The following PKP2 variants were observed in gnomAD, a reference collection of about 807,000 sequenced individuals.
The protein encoded by PKP2 is plakophilin-2.
A neutral mutation model predicts 83.4 loss-of-function variants in PKP2; 73 were observed. The observed-to-expected ratio is 0.88, with a 90% CI of 0.72 to 1.06. PKP2 has a LOEUF of 1.06. PKP2 is among the 50% of genes least tolerant of loss of function. PKP2 has a pLI of 0.00. For synonymous variants in PKP2, 409 were observed against 430.4 expected (o/e 0.95, Z 0.62); for missense variants, 966 against 1,065.4 (o/e 0.91, Z 1.30).
At chr12:32,803,259 G>C (rs1956198831) in intron 9 of PKP2, among the ~76,000 whole-genome samples, 1 of 152,092 alleles carries the variant, frequency 6.6e-6, no homozygotes, top group Non-Finnish European at 1.5e-5. Context: ...TGTAGTCCCA[G>C]CTACTCAAGA....
chr12:32,862,383 A>C (rs1232161606), intron 4 of PKP2, among the ~76,000 whole-genome samples: 1 of 152,236 alleles, frequency 6.6e-6, no homozygotes, highest in Non-Finnish European at 1.5e-5. Context: ...ATGGTGGCTC[A>C]CACCTGCAAT....
chr12:32,890,370 G>C (rs1957067084), intron 1 of PKP2, among the ~76,000 whole-genome samples: 1 of 152,118 alleles, frequency 6.6e-6, no homozygotes, highest in African/African-American at 2.4e-5. Context: ...AGCTTCTAAT[G>C]AAGGTTTTCA....
At position 32,860,919 on chromosome 12, in the gene PKP2, T is replaced by C. The variant is rs548202930; in HGVS notation, c.1170+8008A>G. On this transcript the variant is annotated intron_variant, in intron 4 of 12. Transcript: ENST00000340811. Reference sequence around the variant, plus strand: ...GGCATGCGCCTGTAATCCCAGCTACTTGGGAGGCTGAGGCAAGAGAATCAC... The same window carrying C: ...GGCATGCGCCTGTAATCCCAGCTACCTGGGAGGCTGAGGCAAGAGAATCAC... 1.1e-4 allele frequency among the ~76,000 whole-genome samples: 16 copies of C among 152,122 alleles called. No homozygotes were observed. In the South Asian group the frequency reaches 2.5e-3, roughly 24 times the overall value.
intron 7 of PKP2, among the ~76,000 whole-genome samples, chr12:32,823,765 T>C (rs529999270): frequency 6.6e-6 from 1 of 152,070 alleles, no homozygotes; most frequent in Non-Finnish European, 1.5e-5. Flanking sequence ...CACGCCCGGC[T>C]ATATTTTTTG....
At chr12:32,843,337 T>A in intron 5 of PKP2, 1 of 1,364,382 alleles carries the variant, frequency 7.3e-7, no homozygotes, top group Non-Finnish European at 9.8e-7. Context: ...AGAGGAAGCA[T>A]AGGTACTCAG....
At chr12:32,871,034 T>G (rs1459378008) in intron 3 of PKP2, among the ~76,000 whole-genome samples, 1 of 152,194 alleles carries the variant, frequency 6.6e-6, no homozygotes, top group Non-Finnish European at 1.5e-5. Context: ...GTCAACTTTC[T>G]GTTTGACTAT....
chr12:32,843,205 A>T lies in PKP2; in HGVS notation c.1379-2000T>A, dbSNP rs769899368. On this transcript the variant is annotated intron_variant, in intron 5 of 12. Coordinates refer to ENST00000340811, the MANE Select transcript of PKP2 (RefSeq NM_001005242.3). ...ACCATGTTGGTCAGGCTGGTCTCGA[A>T]CTCCTGACCTCGTGATCCGCCCGCC... is the stretch of plus-strand genomic sequence containing the variant. 3.2e-5 allele frequency: 19 copies of T among 585,082 alleles called. No individual in the cohort carries two copies. Among genetic ancestry groups the T allele is most frequent in the Non-Finnish European group, 6.2e-6 (2 of 323,016 alleles). 36.2% of individuals were successfully genotyped at this position (585,082 alleles called of 1,614,324 possible).
chr12:32,865,768 G>A (rs1410235043), intron 4 of PKP2, among the ~76,000 whole-genome samples: 1 of 149,724 alleles, frequency 6.7e-6, no homozygotes, highest in Admixed American at 6.7e-5. Context: ...TTTCAGCAAA[G>A]ATACAAAGAC....
In PKP2 at chr12:32,821,444, T is replaced by C. The variant is rs1291783957; in HGVS notation, c.1925A>G (p.Tyr642Cys). The C allele has an allele frequency of 6.2e-7, 1 of 1,614,106 alleles. No homozygotes were observed. The highest frequency in any genetic ancestry group is 2.2e-5 in the East Asian group (1 of 44,874). ...WLWHSIVIRM[Y>C]LSLIAKSVRN... is the part of the protein sequence containing the mutation. ...GACACTTTTGGCGATCAAGGACAGA[T>C]ACATCCTTATAACAATGGAATGCCA... The change falls in exon 9 of 13, where the codon TAT (tyrosine) becomes TGT (cysteine). Residue 642 changes from tyrosine (Y) to cysteine (C), a missense_variant. Tyr to Cys is a radical substitution (Grantham distance 194). Transcript: ENST00000340811.
intron 1 of PKP2, among the ~76,000 whole-genome samples, chr12:32,895,149 G>C (rs868538306): frequency 6.6e-6 from 1 of 152,038 alleles, no homozygotes; most frequent in African/African-American, 2.4e-5. Flanking sequence ...TTCCTCATCT[G>C]TAAAATGAGG....
intron 1 of PKP2, among the ~76,000 whole-genome samples, chr12:32,884,796 T>C (rs552986602): frequency 5.4e-4 from 81 of 151,166 alleles, no homozygotes; most frequent in Non-Finnish European, 9.1e-4. Flanking sequence ...TTTTTTTTTT[T>C]CTGCTAAGTT....
intron 5 of PKP2, among the ~76,000 whole-genome samples, chr12:32,848,250 C>T (rs963387574): frequency 1.3e-5 from 2 of 152,102 alleles, no homozygotes; most frequent in Non-Finnish European, 2.9e-5. Context: ...TGGCGAAACC[C>T]CGTCTCTACT....
At chr12:32,802,690 T>C in intron 9 of PKP2, 134 bp from the exon 10 acceptor site, 1 of 804,876 alleles carries the variant, frequency 1.2e-6, no homozygotes, top group Admixed American at 2.2e-5. Context: ...ACAAAGTCTC[T>C]CTCTGTCATT....
At chr12:32,834,089 T>G (rs190221578) in intron 6 of PKP2, among the ~76,000 whole-genome samples, 230 of 152,310 alleles carry the variant, frequency 1.5e-3, no homozygotes, top group Admixed American at 2.8e-3. Context: ...AGTTTGACTT[T>G]CTCCAGAAAA....
intron 1 of PKP2, among the ~76,000 whole-genome samples, chr12:32,884,785 T>G (rs995851771): frequency 1.3e-5 from 2 of 151,850 alleles, no homozygotes; most frequent in African/African-American, 4.8e-5. Flanking sequence ...TAGAGCAGTT[T>G]TTTTTTTTTT....
chr12:32,847,820 C>G (rs187977410), intron 5 of PKP2, among the ~76,000 whole-genome samples: 16 of 152,108 alleles, frequency 1.1e-4, no homozygotes, highest in Admixed American at 2.6e-4. Context: ...CAAAATCCAA[C>G]GCGGGTGCAG....
intron 4 of PKP2, among the ~76,000 whole-genome samples, chr12:32,861,498 A>G (rs890998781): frequency 2.0e-5 from 3 of 152,232 alleles, no homozygotes; most frequent in Non-Finnish European, 4.4e-5. Flanking sequence ...TTAAACACAT[A>G]TTAAGAGATT....
At chr12:32,833,458 C>T (rs1438760884) in intron 6 of PKP2, among the ~76,000 whole-genome samples, 1 of 152,018 alleles carries the variant, frequency 6.6e-6, no homozygotes, top group East Asian at 1.9e-4. Context: ...GAGAGTAGCT[C>T]ATATTGATAT....
At chr12:32,846,149 C>T (rs1434685336) in intron 5 of PKP2, among the ~76,000 whole-genome samples, 1 of 151,984 alleles carries the variant, frequency 6.6e-6, no homozygotes, top group Non-Finnish European at 1.5e-5. Flanking sequence ...GGATAAGAAC[C>T]CCTGCTGCAC....
Sources: gnomAD v4.1 joint callset for allele counts (sites outside exome capture counted in the v4.1 genomes callset) on GRCh38, gnomAD v4.1.1 for gene constraint, MANE v1.5 for transcripts, NCBI Gene and HGNC (gene_info 2026-07-23, HGNC 2026-07-21) for gene names.